Variants in ZNF428 observed in about 807,000 individuals in gnomAD.
The protein encoded by ZNF428 is zinc finger protein 428.
Under a neutral mutation model 15.6 loss-of-function variants are expected in ZNF428, and 5 were observed. The observed-to-expected ratio is 0.32, with a 90% CI of 0.17 to 0.67. The LOEUF is 0.67. ZNF428 is among the 30% of genes least tolerant of loss of function. ZNF428 has a pLI of 0.73. For synonymous variants in ZNF428, 97 were observed against 102.2 expected, an observed-to-expected ratio of 0.95 and a Z score of 0.31; for missense variants, 237 against 256.0, an observed-to-expected ratio of 0.93 and a Z score of 0.51.
chr19:43,607,908 AGGCTGGGCCGGG>A lies in ZNF428; in HGVS notation c.264_275del (p.Pro89_Pro92del), dbSNP rs1437796542. 1.1e-5 allele frequency: 18 copies of A among 1,566,110 alleles called. No individual in the cohort carries two copies. The highest frequency in any genetic ancestry group is 2.7e-5 in the African/African-American group (2 of 73,864). On this transcript the variant is annotated inframe_deletion, in exon 3 of 3. Transcript: ENST00000300811. This position sits in a 1 kb window ranked among gnomAD's most constrained non-coding sequence, Gnocchi z 5.1. ...GGGGTGAGCGGCCACAGAGCTGGCA[AGGCTGGGCCGGG>A]GGCTGGGCTGCACGGGGGGCCCGGC...
In ZNF428 at chr19:43,619,572, C is replaced by T. The variant is rs1973415219; in HGVS notation, c.-145G>A. ...GGGACACTCACCGGCGCCGGCGGCC[C>T]CCGCTCCGGCTCTGCGGCGGCGGCT... On this transcript the variant is annotated 5_prime_UTR_variant, in exon 1 of 3. Transcript: ENST00000300811. The T allele has an allele frequency of 6.6e-6, 1 of 152,338 alleles. No homozygotes were observed. The highest frequency in any genetic ancestry group is 2.1e-4 in the South Asian group (1 of 4,840). 9.4% of individuals were successfully genotyped at this position (152,338 alleles called of 1,614,324 possible).
intron 1 of ZNF428, 141 bp downstream of exon 1, chr19:43,619,417 G>A (rs1973412504): frequency 6.6e-6 from 1 of 152,300 alleles, no homozygotes; most frequent in South Asian, 2.1e-4. Flanking sequence ...AAACGCGTAG[G>A]GGGAGAAAAA....
intron 2 of ZNF428, 131 bp from the exon 3 acceptor site, chr19:43,608,238 C>G: frequency 8.8e-6 from 11 of 1,249,584 alleles, no homozygotes; most frequent in Non-Finnish European, 1.2e-5. Flanking sequence ...CTACCCTTCC[C>G]TTCCCCACAG....
At chr19:43,608,918 ACT>A (rs1473956278) in intron 2 of ZNF428, among the ~76,000 whole-genome samples, 1 of 148,654 alleles carries the variant, frequency 6.7e-6, no homozygotes, top group Non-Finnish European at 1.5e-5. Flanking sequence ...ACAGAGCAAG[ACT>A]CTGCTGTCTT....
intron 2 of ZNF428, among the ~76,000 whole-genome samples, chr19:43,609,111 AACTC>A (rs1045394044): frequency 6.6e-6 from 1 of 152,078 alleles, no homozygotes; most frequent in African/African-American, 2.4e-5. Context: ...CTTATACATT[AACTC>A]ACTAAATCCT....
chr19:43,612,011 C>A lies in ZNF428; in HGVS notation c.76+2218G>T. On this transcript the variant is annotated intron_variant, in intron 2 of 2. Transcript: ENST00000300811. This position sits in a 1 kb window ranked among gnomAD's most constrained non-coding sequence, Gnocchi z 4.2. ...CACCCTCCAGAGTCTTCAATGCCCA[C>A]TATTACTTCACACAGTTGGCCTGTG... 1 of 819,768 alleles carries A rather than the reference C, an allele frequency of 1.2e-6. No homozygotes were observed. Among genetic ancestry groups the A allele is most frequent in the Non-Finnish European group, 2.0e-6 (1 of 504,790 alleles). 50.8% of individuals were successfully genotyped at this position (819,768 alleles called of 1,614,324 possible).
At chr19:43,613,391 G>A (rs1308255558) in intron 2 of ZNF428, 1 of 1,549,414 alleles carries the variant, frequency 6.5e-7, no homozygotes, top group Non-Finnish European at 8.7e-7. Flanking sequence ...CAAGGCGAGA[G>A]ATCGCAGCCG....
chr19:43,613,551 G>C lies in ZNF428; in HGVS notation c.76+678C>G, dbSNP rs1973332044. ...AAGGCGAGAGATCGCAGCCGATCTAGAAGCCCCAGCAAGGAAAGAGATCAC... is the reference window on the plus strand; with the variant it reads ...AAGGCGAGAGATCGCAGCCGATCTACAAGCCCCAGCAAGGAAAGAGATCAC... On this transcript the variant is annotated intron_variant, in intron 2 of 2. Coordinates refer to ENST00000300811, the MANE Select transcript of ZNF428 (RefSeq NM_182498.4). 5.2e-6 allele frequency: 8 copies of C among 1,551,538 alleles called. No homozygotes were observed. The highest frequency in any genetic ancestry group is 2.0e-5 in the Admixed American group (1 of 51,004).
At chr19:43,611,803 C>G (rs1197214283) in intron 2 of ZNF428, among the ~76,000 whole-genome samples, 3 of 152,228 alleles carry the variant, frequency 2.0e-5, no homozygotes, top group African/African-American at 7.2e-5. Context: ...CCCTCCCCAC[C>G]CACTGACTAT....
In ZNF428 at chr19:43,607,526, A is replaced by G; in HGVS notation, c.*91T>C. ...AGACAACACAGACCGGCAGTACCCC[A>G]TCCCCCATGACCACTGTCACAACCC... On this transcript the variant is annotated 3_prime_UTR_variant, in exon 3 of 3. Coordinates refer to ENST00000300811, the MANE Select transcript of ZNF428 (RefSeq NM_182498.4). The surrounding 1 kb of genome is among the most constrained non-coding windows in gnomAD (Gnocchi z 5.1). 4 of 1,422,344 alleles carry G rather than the reference A, an allele frequency of 2.8e-6. No homozygotes were observed. In the South Asian group the frequency reaches 4.2e-5, roughly 15 times the overall value. The allele number at this position is 1,422,344 out of a possible 1,614,324, so 88.1% of individuals were successfully genotyped here. A position where few individuals can be genotyped will look rare whatever the true frequency, so the allele number is the denominator to read the frequency against.
At position 43,607,920 on chromosome 19, in the gene ZNF428, G is replaced by C. The variant is rs1281912378; in HGVS notation, c.264C>G (p.Pro88=). The part of the protein sequence containing the change: ...PSRRAPRAAQ[P]PAQPCQLCGR... ...CACAGAGCTGGCAAGGCTGGGCCGG[G>C]GGCTGGGCTGCACGGGGGGCCCGGC... Residue 88 remains proline (P), a synonymous_variant, in exon 3 of 3, where the codon CCC becomes CCG. Transcript: ENST00000300811. The surrounding 1 kb of genome is among the most constrained non-coding windows in gnomAD (Gnocchi z 5.1). 6.4e-7 allele frequency: 1 copy of C among 1,572,080 alleles called. No individual in the cohort carries two copies. The highest frequency in any genetic ancestry group is 1.4e-5 in the African/African-American group (1 of 74,070).
intron 2 of ZNF428, chr19:43,613,331 T>C: frequency 1.9e-6 from 3 of 1,551,152 alleles, no homozygotes; most frequent in Non-Finnish European, 2.6e-6. Context: ...TCACAGCCGA[T>C]CTAGAAGTCC....
intron 2 of ZNF428, chr19:43,608,748 T>G (rs887346400): frequency 6.6e-6 from 1 of 151,436 alleles, no homozygotes; most frequent in East Asian, 2.0e-4. Context: ...GCCAACATGG[T>G]GAAACCTCGT....
intron 2 of ZNF428, among the ~76,000 whole-genome samples, chr19:43,608,865 T>C (rs749258351): frequency 1.3e-5 from 2 of 148,488 alleles, no homozygotes; most frequent in Non-Finnish European, 3.0e-5. Context: ...GAGGCGGAGG[T>C]TGCAGTGAGC....
Position 43,607,726 on chromosome 19 carries a change from T to TCCTCCTCCTCCC in ZNF428, c.446_457dup (p.Glu152_Glu153insGlyGluGluGlu). On this transcript the variant is annotated inframe_insertion, in exon 3 of 3. Transcript: ENST00000300811. This position sits in a 1 kb window ranked among gnomAD's most constrained non-coding sequence, Gnocchi z 5.1. The stretch of plus-strand genomic sequence containing the variant: ...GTAGGTTCCCTCCTCCTCCTCTTCC[T>TCCTCCTCCTCCC]CCTCCTCCTCCCGCCCAGCTGGTCG... The TCCTCCTCCTCCC allele has an allele frequency of 6.2e-7, 1 of 1,613,588 alleles. No individual in the cohort carries two copies.
intron 1 of ZNF428, among the ~76,000 whole-genome samples, chr19:43,614,751 C>A (rs566667767): frequency 6.6e-6 from 1 of 152,294 alleles, no homozygotes; most frequent in East Asian, 1.9e-4. Context: ...AGTGTGCGTC[C>A]TCACGCCCGG....
At position 43,609,359 on chromosome 19, in the gene ZNF428, G is replaced by GGAGAGAGAGAGAGAGAGAGAGAGA. The variant is rs55665674; in HGVS notation, c.77-1253_77-1252insTCTCTCTCTCTCTCTCTCTCTCTC. 1.9e-3 allele frequency among the ~76,000 whole-genome samples: 155 copies of GGAGAGAGAGAGAGAGAGAGAGAGA among 81,836 alleles called. 2 individuals are homozygous for GGAGAGAGAGAGAGAGAGAGAGAGA. Among genetic ancestry groups the GGAGAGAGAGAGAGAGAGAGAGAGA allele is most frequent in the African/African-American group, 4.4e-3 (121 of 27,428 alleles). The allele number at this position is 81,836 out of a possible 152,430, so 53.7% of individuals were successfully genotyped here. On this transcript the variant is annotated intron_variant, in intron 2 of 2. Transcript: ENST00000300811. ...GATGTACTTTTATATCTGTGGCCAT[G>GGAGAGAGAGAGAGAGAGAGAGAGA]GAGAGAGAGAGAGAGAGAGTTAGGT...
intron 2 of ZNF428, chr19:43,611,945 A>C: frequency 3.3e-6 from 2 of 612,866 alleles, no homozygotes; most frequent in Non-Finnish European, 5.9e-6. Flanking sequence ...TCAGGCTGGG[A>C]CCCCTCCCCT....
Position 43,607,408 on chromosome 19 carries a change from G to T in ZNF428, c.*209C>A. The T allele has an allele frequency of 1.8e-6, 1 of 545,474 alleles. No homozygotes were observed. Among genetic ancestry groups the T allele is most frequent in the Non-Finnish European group, 3.0e-6 (1 of 330,320 alleles). The allele number at this position is 545,474 out of a possible 1,614,324, so 33.8% of individuals were successfully genotyped here. A position where few individuals can be genotyped will look rare whatever the true frequency, so the allele number is the denominator to read the frequency against. ...ACACACACACACAAACACACACACG[G>T]GCGGGAATACACACACACACACACA... On this transcript the variant is annotated 3_prime_UTR_variant, in exon 3 of 3. Coordinates refer to ENST00000300811, the MANE Select transcript of ZNF428 (RefSeq NM_182498.4). The surrounding 1 kb of genome is among the most constrained non-coding windows in gnomAD (Gnocchi z 5.1).
Sources: allele counts gnomAD v4.1 joint callset (sites outside exome capture counted in the v4.1 genomes callset), GRCh38; gene constraint gnomAD v4.1.1; non-coding constraint Gnocchi (gnomAD v3.1); transcripts MANE v1.5; gene names NCBI Gene and HGNC (gene_info 2026-07-23, HGNC 2026-07-21).